The following SPAG9 variants were observed in gnomAD, a reference collection of about 807,000 sequenced individuals.
SPAG9 encodes sperm associated antigen 9.
SPAG9 carries 35 observed loss-of-function variants against 166.5 expected under a neutral mutation model. The observed-to-expected ratio is 0.21, with a 90% CI of 0.16 to 0.28. SPAG9 has a LOEUF of 0.28. Among genes scored for constraint, SPAG9 ranks in the 10% least tolerant of loss-of-function variants. SPAG9 has a pLI of 1.00. For synonymous variants in SPAG9, 534 were observed against 565.5 expected, an observed-to-expected ratio of 0.94 and a Z score of 0.79; for missense variants, 1,235 against 1,603.3, an observed-to-expected ratio of 0.77 and a Z score of 3.92.
chr17:51,025,848 C>A (rs371069086), intron 6 of SPAG9, among the ~76,000 whole-genome samples: 5 of 152,174 alleles, frequency 3.3e-5, no homozygotes, highest in Non-Finnish European at 7.3e-5. Context: ...GCTCAGATTG[C>A]ACCCATGTTA....
Position 51,047,404 on chromosome 17 carries a change from T to C in SPAG9, c.561A>G (p.Gln187=), listed in dbSNP as rs769276989. 4.4e-6 allele frequency: 7 copies of C among 1,592,442 alleles called. No individual in the cohort carries two copies. Among genetic ancestry groups the C allele is most frequent in the East Asian group, 2.3e-5 (1 of 44,028 alleles). ...TTCTACTATGAGCTGTGGATTCTAG[T>C]TGATCACTCCCTGAGAGCTGATGAA... ...TKLHQLSGSD[Q]LESTAHSRIR... The change falls in exon 4 of 30, where the codon CAA becomes CAG. Residue 187 remains glutamine, a synonymous_variant. Transcript: ENST00000262013.
intron 3 of SPAG9, among the ~76,000 whole-genome samples, chr17:51,048,913 C>T (rs1446418753): frequency 1.3e-5 from 2 of 152,046 alleles, no homozygotes; most frequent in African/African-American, 4.8e-5. Context: ...ATTTTACCAC[C>T]ATTTACACAA....
chr17:51,083,305 G>A (rs1307357184), intron 1 of SPAG9, among the ~76,000 whole-genome samples: 1 of 149,248 alleles, frequency 6.7e-6, no homozygotes, highest in African/African-American at 2.5e-5. Flanking sequence ...TACCATCTCA[G>A]CTCACTGTAA....
intron 2 of SPAG9, among the ~76,000 whole-genome samples, chr17:51,073,348 C>T (rs561082117): frequency 9.9e-5 from 15 of 151,684 alleles, no homozygotes; most frequent in Non-Finnish European, 1.9e-4. Flanking sequence ...CAATTAGCCA[C>T]GTGTGGTGGC....
At chr17:51,024,585 C>G (rs1250735094) in intron 6 of SPAG9, among the ~76,000 whole-genome samples, 2 of 151,796 alleles carry the variant, frequency 1.3e-5, no homozygotes. Flanking sequence ...TGGCGGCACA[C>G]GTCTGTAATC....
At chr17:51,077,041 T>TCTAGCTATCTAGCTAGCTATCTAG (rs1288825073) in intron 2 of SPAG9, among the ~76,000 whole-genome samples, 9 of 98,518 alleles carry the variant, frequency 9.1e-5, no homozygotes, top group Non-Finnish European at 1.8e-4. Flanking sequence ...TATCTAGCTA[T>TCTAGCTATCTAGCTAGCTATCTAG]CTAGCTATCT....
At chr17:51,023,789 T>C (rs1568011524) in intron 6 of SPAG9, among the ~76,000 whole-genome samples, 2 of 152,102 alleles carry the variant, frequency 1.3e-5, no homozygotes, top group Admixed American at 6.5e-5. Flanking sequence ...CTCAGTCCCC[T>C]GAGCACCTAT....
At chr17:51,109,950 G>C (rs2049060441) in intron 1 of SPAG9, among the ~76,000 whole-genome samples, 1 of 152,000 alleles carries the variant, frequency 6.6e-6, no homozygotes, top group Non-Finnish European at 1.5e-5. Flanking sequence ...GAGCTCAAGT[G>C]TTCCGCCCAC....
chr17:51,027,779 T>C (rs2046241081), intron 6 of SPAG9, among the ~76,000 whole-genome samples: 1 of 152,200 alleles, frequency 6.6e-6, no homozygotes, highest in Non-Finnish European at 1.5e-5. Context: ...GGTTTATGTA[T>C]TTACTAAAAT....
chr17:51,091,620 C>G (rs1465826974), intron 1 of SPAG9, among the ~76,000 whole-genome samples: 1 of 151,918 alleles, frequency 6.6e-6, no homozygotes, highest in East Asian at 1.9e-4. Context: ...ATACTCCTCC[C>G]CTTTTCTGTT....
intron 29 of SPAG9, among the ~76,000 whole-genome samples, chr17:50,968,415 C>T (rs989835183): frequency 3.9e-5 from 6 of 152,110 alleles, no homozygotes; most frequent in Non-Finnish European, 8.8e-5. Flanking sequence ...AGATTTTAAG[C>T]GAGTCCAAGG....
intron 9 of SPAG9, among the ~76,000 whole-genome samples, chr17:51,013,669 G>A (rs1167134572): frequency 2.0e-5 from 3 of 152,106 alleles, no homozygotes; most frequent in African/African-American, 7.2e-5. Context: ...AAGGTCAGCA[G>A]GCAAATAGTC....
At chr17:51,115,553 A>G (rs935520419) in intron 1 of SPAG9, among the ~76,000 whole-genome samples, 7 of 152,046 alleles carry the variant, frequency 4.6e-5, no homozygotes, top group African/African-American at 1.7e-4. Context: ...GGAAGGAGCC[A>G]GGCGCGGTGG....
At chr17:50,975,571 G>A (rs1003484848) in intron 27 of SPAG9, among the ~76,000 whole-genome samples, 11 of 152,174 alleles carry the variant, frequency 7.2e-5, no homozygotes, top group Non-Finnish European at 1.3e-4. Context: ...AAGAGTAAAC[G>A]ATGTAAATTA....
At chr17:51,047,209 C>T (rs956174634) in intron 4 of SPAG9, among the ~76,000 whole-genome samples, 166 bp downstream of exon 4, 1 of 152,114 alleles carries the variant, frequency 6.6e-6, no homozygotes, top group African/African-American at 2.4e-5. Context: ...TGGTAAAAAC[C>T]GTTTCTACTT....
At position 51,079,706 on chromosome 17, in the gene SPAG9, T is replaced by A; in HGVS notation, c.304-2A>T. ...AGAGTCTTCAAATTCAATGAATTTC[T>A]AATAAAGAAGAACAATATAAATTTA... On this transcript the variant is annotated splice_acceptor_variant, in intron 1 of 29. Transcript: ENST00000262013. LOFTEE classifies it high-confidence loss of function. The A allele has an allele frequency of 1.3e-6, 2 of 1,522,576 alleles. No individual in the cohort carries two copies. The highest frequency in any genetic ancestry group is 1.8e-6 in the Non-Finnish European group (2 of 1,106,138). The allele number at this position is 1,522,576 out of a possible 1,614,324, so 94.3% of individuals were successfully genotyped here. A position where few individuals can be genotyped will look rare whatever the true frequency, so the allele number is the denominator to read the frequency against.
chr17:51,090,698 A>G (rs1182551769), intron 1 of SPAG9, among the ~76,000 whole-genome samples: 1 of 152,174 alleles, frequency 6.6e-6, no homozygotes, highest in African/African-American at 2.4e-5. Context: ...TTTACAAAAG[A>G]TCTTGCATAA....
intron 5 of SPAG9, among the ~76,000 whole-genome samples, chr17:51,037,693 T>TATATATATATATATATATATATATA (rs1568028403): frequency 1.1e-5 from 1 of 89,890 alleles, no homozygotes; most frequent in Non-Finnish European, 2.6e-5. Flanking sequence ...ATAGTGTGTG[T>TATATATATATATATATATATATATA]GTGTGTGTGT....
At chr17:51,042,092 T>A (rs74567022) in intron 4 of SPAG9, among the ~76,000 whole-genome samples, 9,683 of 152,276 alleles carry the variant, frequency 0.064, 435 homozygotes, top group Non-Finnish European at 0.1. Context: ...TTCTTCAGGG[T>A]ATGACTTTCC....
Sources: allele counts gnomAD v4.1 joint callset (sites outside exome capture counted in the v4.1 genomes callset), GRCh38; gene constraint gnomAD v4.1.1; transcripts MANE v1.5; gene names NCBI Gene and HGNC (gene_info 2026-07-23, HGNC 2026-07-21).